Variants in PATJ observed in about 807,000 individuals in gnomAD.
PATJ encodes the protein inaD-like protein.
Under a neutral mutation model 224.9 loss-of-function variants are expected in PATJ, and 190 were observed. The observed-to-expected ratio is 0.84, with a 90% CI of 0.75 to 0.95. The LOEUF (loss-of-function observed/expected upper bound fraction) is 0.95, where lower values mean the gene tolerates loss of function less well. Ranked by LOEUF, PATJ falls within the 40% of genes least tolerant of loss-of-function variation. The pLI, the probability that PATJ is intolerant of heterozygous loss-of-function variation, is 0.00. For synonymous variants in PATJ, 769 were observed against 820.3 expected (o/e 0.94, Z 1.07); for missense variants, 2,121 against 2,270.3 (o/e 0.93, Z 1.34).
chr1:61,745,586 C>T (rs1010464407), intron 1 of PATJ, among the ~76,000 whole-genome samples: 4 of 140,624 alleles, frequency 2.8e-5, no homozygotes, highest in African/African-American at 1.1e-4. Flanking sequence ...AATTATTTTA[C>T]TTTATTTTAT....
At chr1:61,996,260 A>T (rs1021137308) in intron 28 of PATJ, among the ~76,000 whole-genome samples, 1 of 152,310 alleles carries the variant, frequency 6.6e-6, no homozygotes, top group Middle Eastern at 3.4e-3. Context: ...TAAGAGAAAA[A>T]ACCGAAACCA....
chr1:62,053,616 G>A (rs985404228), intron 31 of PATJ, among the ~76,000 whole-genome samples: 2 of 152,166 alleles, frequency 1.3e-5, no homozygotes, highest in Admixed American at 6.5e-5. Flanking sequence ...CTACTTGGGA[G>A]GCTGAGGCAG....
At chr1:62,102,878 A>G (rs1024773051) in intron 33 of PATJ, among the ~76,000 whole-genome samples, 1 of 151,390 alleles carries the variant, frequency 6.6e-6, no homozygotes, top group Admixed American at 6.6e-5. Flanking sequence ...AAAAAAAAAA[A>G]AAAAAAAGAA....
intron 41 of PATJ, among the ~76,000 whole-genome samples, chr1:62,139,233 T>C (rs1016466687): frequency 2.0e-5 from 3 of 151,814 alleles, no homozygotes; most frequent in Admixed American, 2.0e-4. Flanking sequence ...AAACCCCGTC[T>C]CTACCAAAAA....
chr1:61,938,354 T>A (rs1677213564), intron 27 of PATJ, among the ~76,000 whole-genome samples: 1 of 151,722 alleles, frequency 6.6e-6, no homozygotes, highest in South Asian at 2.1e-4. Flanking sequence ...TTGTTTAAAG[T>A]TGCAGTAGTA....
intron 21 of PATJ, among the ~76,000 whole-genome samples, chr1:61,880,064 T>C (rs994564037): frequency 2.2e-4 from 34 of 152,240 alleles, no homozygotes; most frequent in African/African-American, 7.0e-4. Context: ...TCTCAAGTGA[T>C]CCACCCGCCT....
intron 7 of PATJ, among the ~76,000 whole-genome samples, chr1:61,780,287 A>C (rs1647175699): frequency 6.6e-6 from 1 of 152,116 alleles, no homozygotes; most frequent in African/African-American, 2.4e-5. Context: ...AACATGGTGA[A>C]ACCCCGTCGC....
At chr1:62,090,895 T>C (rs890481849) in intron 33 of PATJ, among the ~76,000 whole-genome samples, 1 of 152,138 alleles carries the variant, frequency 6.6e-6, no homozygotes, top group Non-Finnish European at 1.5e-5. Flanking sequence ...AGCAATACCC[T>C]CAGAAGAAGT....
intron 28 of PATJ, among the ~76,000 whole-genome samples, chr1:62,008,773 G>A (rs1000984301): frequency 7.9e-5 from 12 of 152,152 alleles, no homozygotes; most frequent in African/African-American, 1.2e-4. Context: ...AAATAAATAA[G>A]TAATTGGAAC....
chr1:62,042,038 C>G, intron 30 of PATJ, among the ~76,000 whole-genome samples: 2 of 151,966 alleles, frequency 1.3e-5, no homozygotes, highest in Middle Eastern at 6.8e-3. Context: ...ATAAAGCAGG[C>G]TAGTATGTAA....
At chr1:62,160,339 TGAA>T in intron 43 of PATJ, among the ~76,000 whole-genome samples, 1 of 152,318 alleles carries the variant, frequency 6.6e-6, no homozygotes, top group Non-Finnish European at 1.5e-5. Context: ...TGGAAGGTTT[TGAA>T]TATATTACAA....
At chr1:61,964,053 G>A (rs1299710591) in intron 27 of PATJ, among the ~76,000 whole-genome samples, 1 of 151,984 alleles carries the variant, frequency 6.6e-6, no homozygotes, top group African/African-American at 2.4e-5. Context: ...GTATTAAAAA[G>A]CATTATAATT....
intron 17 of PATJ, among the ~76,000 whole-genome samples, chr1:61,842,048 T>C (rs1318565201): frequency 6.6e-6 from 1 of 152,190 alleles, no homozygotes; most frequent in Non-Finnish European, 1.5e-5. Flanking sequence ...TAAGTTTTGC[T>C]TTTCAAGCCT....
At chr1:62,008,953 G>T (rs1029916150) in intron 28 of PATJ, among the ~76,000 whole-genome samples, 20 of 152,028 alleles carry the variant, frequency 1.3e-4, no homozygotes, top group African/African-American at 4.8e-4. Context: ...TGATATCAAA[G>T]ATAAAGACAT....
At position 61,812,614 on chromosome 1, in the gene PATJ, C is replaced by T. The variant is rs377141476; in HGVS notation, c.1683+4084C>T. ...CTGTAATCCTAGCATTTTGGGAGGC[C>T]GAGGCAGGAAGATCACCTGAGGTCA... is the stretch of plus-strand genomic sequence containing the variant. On this transcript the variant is annotated intron_variant, in intron 14 of 43. Coordinates refer to ENST00000642238, the MANE Select transcript of PATJ (RefSeq NM_001350145.3). Among the ~76,000 whole-genome samples the T allele has an allele frequency of 6.7e-4, 102 of 151,798 alleles. 1 individual carries two copies. The highest frequency in any genetic ancestry group is 2.2e-3 in the African/African-American group (93 of 41,386).
chr1:61,789,760 C>T (rs939768038), intron 8 of PATJ, among the ~76,000 whole-genome samples: 3 of 151,634 alleles, frequency 2.0e-5, no homozygotes, highest in Non-Finnish European at 2.9e-5. Context: ...TGCAGTGAGC[C>T]GAGATCCTTC....
At chr1:61,827,682 C>A in intron 16 of PATJ, 99 bp downstream of exon 16, 1 of 1,131,324 alleles carries the variant, frequency 8.8e-7, no homozygotes. Flanking sequence ...AACCATTCCA[C>A]TCTGCTCTTT....
intron 5 of PATJ, among the ~76,000 whole-genome samples, 173 bp downstream of exon 5, chr1:61,769,595 C>T (rs115410979): frequency 0.012 from 1,847 of 152,250 alleles, 44 homozygotes; most frequent in African/African-American, 0.041. Flanking sequence ...TACCCCATGG[C>T]AGCAGTTCCA....
chr1:61,781,792 A>G (rs138726197), intron 7 of PATJ, among the ~76,000 whole-genome samples: 5 of 152,358 alleles, frequency 3.3e-5, no homozygotes, highest in Middle Eastern at 3.4e-3. Context: ...CCACAGCTAT[A>G]TTTATTACAG....
Sources: gnomAD v4.1 joint callset for allele counts (sites outside exome capture counted in the v4.1 genomes callset) on GRCh38, gnomAD v4.1.1 for gene constraint, MANE v1.5 for transcripts, NCBI Gene and HGNC (gene_info 2026-07-23, HGNC 2026-07-21) for gene names.